Variants in NXPH1 observed in about 807,000 individuals in gnomAD.
The protein encoded by NXPH1 is neurexophilin-1.
NXPH1 carries 5 observed loss-of-function variants against 23.7 expected under a neutral mutation model. That is an observed-to-expected ratio of 0.21 (90% CI 0.11 to 0.44). NXPH1 has a LOEUF of 0.44. Ranked by LOEUF, NXPH1 falls within the 20% of genes least tolerant of loss-of-function variation. The pLI is 0.99. For synonymous variants in NXPH1, 144 were observed against 122.2 expected (o/e 1.18, Z -1.18); for missense variants, 324 against 321.6 (o/e 1.01, Z -0.06).
At chr7:8,715,164 T>A (rs1476728709) in intron 2 of NXPH1, among the ~76,000 whole-genome samples, 1 of 152,168 alleles carries the variant, frequency 6.6e-6, no homozygotes, top group Non-Finnish European at 1.5e-5. Flanking sequence ...CTGGTCCAAA[T>A]GCCCCCTCTG....
At chr7:8,523,379 T>C (rs1368596976) in intron 2 of NXPH1, among the ~76,000 whole-genome samples, 1 of 152,240 alleles carries the variant, frequency 6.6e-6, no homozygotes, top group African/African-American at 2.4e-5. Context: ...ATGAAAATTC[T>C]TAGAGTCTTT....
At chr7:8,533,094 G>C (rs897037657) in intron 2 of NXPH1, among the ~76,000 whole-genome samples, 1 of 152,132 alleles carries the variant, frequency 6.6e-6, no homozygotes, top group Non-Finnish European at 1.5e-5. Flanking sequence ...AACAGGCACA[G>C]AGAAATTAAG....
intron 2 of NXPH1, among the ~76,000 whole-genome samples, chr7:8,512,328 A>T (rs17404787): frequency 0.24 from 36,438 of 152,104 alleles, 5,436 homozygotes; most frequent in Non-Finnish European, 0.31. Flanking sequence ...CATTAATTCC[A>T]TCATTTGACA....
intron 2 of NXPH1, among the ~76,000 whole-genome samples, chr7:8,745,820 G>C (rs1158397953): frequency 2.0e-5 from 3 of 148,954 alleles, no homozygotes; most frequent in African/African-American, 7.4e-5. Flanking sequence ...TCCTGCCTTG[G>C]CCTCCCAAAG....
intron 2 of NXPH1, among the ~76,000 whole-genome samples, chr7:8,545,769 C>T (rs1818189309): frequency 2.0e-5 from 3 of 151,478 alleles, no homozygotes; most frequent in Non-Finnish European, 4.4e-5. Context: ...GTAGAGAATA[C>T]AAATGTTCAT....
intron 2 of NXPH1, among the ~76,000 whole-genome samples, chr7:8,609,933 T>C (rs1819579827): frequency 6.6e-6 from 1 of 152,170 alleles, no homozygotes; most frequent in Non-Finnish European, 1.5e-5. Flanking sequence ...TCAAATCCCT[T>C]GGCGAAGAAG....
intron 2 of NXPH1, among the ~76,000 whole-genome samples, chr7:8,468,291 C>T (rs763320709): frequency 6.6e-6 from 1 of 152,024 alleles, no homozygotes; most frequent in Non-Finnish European, 1.5e-5. Flanking sequence ...TTGGAGTTTT[C>T]CTAAAATGGT....
intron 2 of NXPH1, among the ~76,000 whole-genome samples, chr7:8,649,552 CTA>C (rs1820457237): frequency 6.6e-6 from 1 of 152,054 alleles, no homozygotes; most frequent in African/African-American, 2.4e-5. Context: ...TTAAAATAAT[CTA>C]TGTTTTTACT....
chr7:8,678,424 GGGGTCT>G (rs1237081518), intron 2 of NXPH1, among the ~76,000 whole-genome samples: 6 of 152,010 alleles, frequency 3.9e-5, no homozygotes, highest in African/African-American at 1.2e-4. Context: ...AACATCTCTT[GGGGTCT>G]GTGGGAGTTT....
intron 2 of NXPH1, among the ~76,000 whole-genome samples, chr7:8,665,746 T>A (rs1820750266): frequency 6.6e-6 from 1 of 150,446 alleles, no homozygotes; most frequent in African/African-American, 2.4e-5. Flanking sequence ...CTGAATTATT[T>A]TAAAGTATTT....
At chr7:8,484,539 A>G (rs1817127188) in intron 2 of NXPH1, among the ~76,000 whole-genome samples, 1 of 152,202 alleles carries the variant, frequency 6.6e-6, no homozygotes, top group African/African-American at 2.4e-5. Context: ...TACATTAATG[A>G]ATGAAATAAG....
At chr7:8,569,456 C>G (rs1818607672) in intron 2 of NXPH1, among the ~76,000 whole-genome samples, 1 of 151,836 alleles carries the variant, frequency 6.6e-6, no homozygotes, top group African/African-American at 2.4e-5. Context: ...AATCTTATAA[C>G]TATTTTAAGA....
intron 2 of NXPH1, among the ~76,000 whole-genome samples, chr7:8,600,848 T>C (rs750848421): frequency 1.3e-5 from 2 of 152,132 alleles, no homozygotes; most frequent in Admixed American, 6.6e-5. Flanking sequence ...TATCCCTGGG[T>C]TCTGCATCCC....
intron 2 of NXPH1, among the ~76,000 whole-genome samples, chr7:8,657,066 T>A (rs1820595964): frequency 6.6e-6 from 1 of 152,228 alleles, no homozygotes; most frequent in South Asian, 2.1e-4. Flanking sequence ...GTACATGATG[T>A]CCTAACTGTT....
intron 2 of NXPH1, among the ~76,000 whole-genome samples, chr7:8,548,073 T>A (rs1054714851): frequency 1.3e-5 from 2 of 151,542 alleles, no homozygotes; most frequent in African/African-American, 4.8e-5. Flanking sequence ...CTGTTTTACA[T>A]AGAAATTCAA....
chr7:8,601,316 G>T (rs1308916385), intron 2 of NXPH1, among the ~76,000 whole-genome samples: 2 of 151,876 alleles, frequency 1.3e-5, no homozygotes, highest in African/African-American at 4.8e-5. Flanking sequence ...TATGGTGTTT[G>T]GTCATAGGAG....
intron 2 of NXPH1, among the ~76,000 whole-genome samples, chr7:8,546,411 G>T (rs973550924): frequency 6.6e-6 from 1 of 151,352 alleles, no homozygotes; most frequent in Non-Finnish European, 1.5e-5. Flanking sequence ...GTATTCCAGC[G>T]TAATTAATTG....
intron 2 of NXPH1, among the ~76,000 whole-genome samples, chr7:8,659,000 T>TGGAGATAATAAATGGCCTTA (rs1199930253): frequency 2.7e-5 from 2 of 73,730 alleles, no homozygotes; most frequent in Admixed American, 1.5e-4. Context: ...TATATATATA[T>TGGAGATAATAAATGGCCTTA]ATATATTTTT....
intron 2 of NXPH1, among the ~76,000 whole-genome samples, chr7:8,724,105 T>G (rs1780011332): frequency 6.6e-6 from 1 of 152,178 alleles, no homozygotes; most frequent in African/African-American, 2.4e-5. Flanking sequence ...TAGTAGTAGT[T>G]CCTTCAACAA....
Sources: gnomAD v4.1 joint callset for allele counts (sites outside exome capture counted in the v4.1 genomes callset) on GRCh38, gnomAD v4.1.1 for gene constraint, MANE v1.5 for transcripts, NCBI Gene and HGNC (gene_info 2026-07-23, HGNC 2026-07-21) for gene names.